The following CFAP251 variants were observed in gnomAD, a reference collection of about 807,000 sequenced individuals.
The protein encoded by CFAP251 is cilia and flagella associated protein 251.
CFAP251 carries 93 observed loss-of-function variants against 126.7 expected under a neutral mutation model. That is an observed-to-expected ratio of 0.73 (90% confidence interval 0.62 to 0.87). The LOEUF (loss-of-function observed/expected upper bound fraction) is 0.87. CFAP251 is among the 40% of genes least tolerant of loss of function. CFAP251 has a pLI of 0.00. For synonymous variants in CFAP251, 503 were observed against 506.9 expected, an observed-to-expected ratio of 0.99 and a Z score of 0.10; for missense variants, 1,287 against 1,389.2, an observed-to-expected ratio of 0.93 and a Z score of 1.17.
intron 1 of CFAP251, among the ~76,000 whole-genome samples, chr12:121,919,143 A>T (rs9988996): frequency 0.079 from 11,617 of 146,458 alleles, 877 homozygotes; most frequent in African/African-American, 0.2. Context: ...TATTATTATT[A>T]TTTTTTTTTT....
chr12:122,001,880 C>G, intron 21 of CFAP251: 1 of 438,076 alleles, frequency 2.3e-6, no homozygotes, highest in Non-Finnish European at 4.2e-6. Flanking sequence ...TATTGGCCAC[C>G]CGTAGAGGAT....
Position 121,975,341 on chromosome 12 carries a change from G to C in CFAP251, c.2862+7G>C. 2 of 1,612,672 alleles carry C rather than the reference G, an allele frequency of 1.2e-6. No individual in the cohort carries two copies. Among genetic ancestry groups the C allele is most frequent in the Non-Finnish European group, 1.7e-6 (2 of 1,178,710 alleles). On this transcript the variant is annotated splice_region_variant and intron_variant, in intron 18 of 21. Transcript: ENST00000288912. ...GGAAGGAAAATTCTACAGGGTAATT[G>C]TCCCTAGAGTAAACACCTCCTGGTA...
In CFAP251 at chr12:121,932,646, C is replaced by T. The variant is rs1017630584; in HGVS notation, c.888+760C>T. ...TGTTCCACATCACCCTTTCAGTTGA[C>T]GTGTGTTGTTACAGGAGTGTCCTTA... On this transcript the variant is annotated intron_variant, in intron 4 of 21. Coordinates refer to ENST00000288912, the MANE Select transcript of CFAP251 (RefSeq NM_144668.6). The T allele has an allele frequency of 4.6e-5, 7 of 152,256 alleles. No individual in the cohort carries two copies. In the South Asian group the frequency reaches 8.3e-4, roughly 18 times the overall value. 9.4% of individuals were successfully genotyped at this position (152,256 alleles called of 1,614,324 possible).
chr12:121,930,304 T>C (rs1200338746), intron 3 of CFAP251, among the ~76,000 whole-genome samples: 1 of 152,040 alleles, frequency 6.6e-6, no homozygotes, highest in Admixed American at 6.6e-5. Flanking sequence ...CTGGCCAACA[T>C]GGTGAAACCC....
chr12:121,925,604 GAA>G (rs1880378064), intron 3 of CFAP251, among the ~76,000 whole-genome samples: 1 of 152,228 alleles, frequency 6.6e-6, no homozygotes, highest in African/African-American at 2.4e-5. Flanking sequence ...CACTCCGAGA[GAA>G]AGAATAATTG....
Position 121,989,428 on chromosome 12 carries a change from C to T in CFAP251, c.3007-10288C>T, listed in dbSNP as rs544958268. ...CATGCCCCACTCCTGGAAAAAGAGGCAGTCGCCATCCAGATCTAGTTCCTG... is the reference window on the plus strand; with the variant it reads ...CATGCCCCACTCCTGGAAAAAGAGGTAGTCGCCATCCAGATCTAGTTCCTG... On this transcript the variant is annotated intron_variant, in intron 19 of 21. Transcript: ENST00000288912. This position sits in a 1 kb window ranked among gnomAD's most constrained non-coding sequence, Gnocchi z 4.2. 3.9e-5 allele frequency among the ~76,000 whole-genome samples: 6 copies of T among 152,240 alleles called. No individual in the cohort carries two copies. The highest frequency in any genetic ancestry group is 2.0e-4 in the Admixed American group (3 of 15,290).
Position 121,989,131 on chromosome 12 carries a change from A to G in CFAP251, c.3007-10585A>G, listed in dbSNP as rs1882817452. 6.6e-6 allele frequency among the ~76,000 whole-genome samples: 1 copy of G among 152,204 alleles called. No homozygotes were observed. Among genetic ancestry groups the G allele is most frequent in the Non-Finnish European group, 1.5e-5 (1 of 68,036 alleles). ...AGAGAGCTGTGGACACAGAATTAGC[A>G]AATCCTTGATTGTGGGTTTGGTACA... On this transcript the variant is annotated intron_variant, in intron 19 of 21. Transcript: ENST00000288912. This position sits in a 1 kb window ranked among gnomAD's most constrained non-coding sequence, Gnocchi z 4.2.
At chr12:121,976,118 C>T (rs1000462010) in intron 19 of CFAP251, among the ~76,000 whole-genome samples, 1 of 151,722 alleles carries the variant, frequency 6.6e-6, no homozygotes, top group African/African-American at 2.4e-5. Flanking sequence ...AAGCGGTTCT[C>T]CTGGCTCAGC....
At chr12:121,932,841 G>A (rs1196052821) in intron 4 of CFAP251, 1 of 152,300 alleles carries the variant, frequency 6.6e-6, no homozygotes, top group Non-Finnish European at 1.5e-5. Flanking sequence ...GAGCTTCATT[G>A]AATGCATGGC....
chr12:121,977,283 G>A (rs956567303), intron 19 of CFAP251, among the ~76,000 whole-genome samples: 4 of 152,196 alleles, frequency 2.6e-5, no homozygotes, highest in African/African-American at 4.8e-5. Context: ...TATTATGACC[G>A]TATGGAACCA....
rs761462974 is a variant in CFAP251, at chr12:121,957,246, A to G, written c.1708A>G (p.Lys570Glu). 2 of 1,610,616 alleles carry G rather than the reference A, an allele frequency of 1.2e-6. No homozygotes were observed. Among genetic ancestry groups the G allele is most frequent in the Non-Finnish European group, 1.7e-6 (2 of 1,179,068 alleles). Residue 570 changes from lysine to glutamate, a missense_variant, in exon 11 of 22, where the codon AAA (lysine) becomes GAA (glutamate). Lys to Glu is a moderately conservative substitution (Grantham distance 56). Transcript: ENST00000288912. ...KSNYPPDCTL[K>E]GDLFVLRNFI... is the part of the protein sequence containing the mutation. ...AAACTATCCTCCTGACTGCACTTTA[A>G]AAGGTGACCTTTTTGTCTTAAGGTA...
At chr12:121,928,640 ATATATATATATATATACG>A (rs1565902541) in intron 3 of CFAP251, among the ~76,000 whole-genome samples, 295 of 16,086 alleles carry the variant, frequency 0.018, 15 homozygotes, top group East Asian at 0.11. Flanking sequence ...ATATATACGT[ATATATATATATATATACG>A]TATATATATA....
At chr12:121,964,154 G>T (rs1174664155) in intron 15 of CFAP251, among the ~76,000 whole-genome samples, 2 of 151,744 alleles carry the variant, frequency 1.3e-5, no homozygotes, top group Admixed American at 1.3e-4. Flanking sequence ...ATTTGTTGTT[G>T]TTGTTGTTGT....
chr12:121,925,052 C>T (rs1162758951), intron 3 of CFAP251, among the ~76,000 whole-genome samples: 2 of 151,728 alleles, frequency 1.3e-5, no homozygotes, highest in Non-Finnish European at 2.9e-5. Context: ...TGTAAAACTC[C>T]TCCTTCATGC....
At chr12:122,003,538 A>C in intron 21 of CFAP251, 114 bp from the exon 22 acceptor site, 1 of 726,216 alleles carries the variant, frequency 1.4e-6, no homozygotes, top group East Asian at 3.1e-5. Flanking sequence ...GTGTCACTGC[A>C]CTCCAGCCTG....
chr12:121,955,813 G>C (rs940610535), intron 10 of CFAP251: 1 of 152,168 alleles, frequency 6.6e-6, no homozygotes, highest in Non-Finnish European at 1.5e-5. Flanking sequence ...ACCTTTAATC[G>C]GTTGGGGTTT....
chr12:121,920,222 C>CTTT (rs1161902952), intron 1 of CFAP251, among the ~76,000 whole-genome samples: 2 of 57,912 alleles, frequency 3.5e-5, no homozygotes, highest in Admixed American at 2.4e-4. Context: ...ACAAATGTGA[C>CTTT]TTTTTTTTTT....
intron 19 of CFAP251, among the ~76,000 whole-genome samples, chr12:121,986,773 G>GAAAA (rs77069413): frequency 1.0e-5 from 1 of 96,518 alleles, no homozygotes; most frequent in Admixed American, 1.1e-4. Context: ...CAAAGAAAAA[G>GAAAA]AAAAAAAAAA....
At position 121,974,123 on chromosome 12, in the gene CFAP251, C is replaced by A. The variant is rs774956162; in HGVS notation, c.2772-1121C>A. On this transcript the variant is annotated intron_variant, in intron 17 of 21. Coordinates refer to ENST00000288912, the MANE Select transcript of CFAP251 (RefSeq NM_144668.6). The surrounding 1 kb of genome is among the most constrained non-coding windows in gnomAD (Gnocchi z 4.6). ...TGGGGGCAGTTTCCCCCATGCTGTT[C>A]CCATGGTAGTGAATAAGTCTCATGA... is the stretch of plus-strand genomic sequence containing the variant. Among the ~76,000 whole-genome samples, 2 of 152,050 alleles carry A rather than the reference C, an allele frequency of 1.3e-5. No homozygotes were observed. Among genetic ancestry groups the A allele is most frequent in the Non-Finnish European group, 2.9e-5 (2 of 68,014 alleles).
Sources: allele counts gnomAD v4.1 joint callset (sites outside exome capture counted in the v4.1 genomes callset), GRCh38; gene constraint gnomAD v4.1.1; non-coding constraint Gnocchi (gnomAD v3.1); transcripts MANE v1.5; gene names NCBI Gene and HGNC (gene_info 2026-07-23, HGNC 2026-07-21).